The following MBNL2 variants were observed in gnomAD, a reference collection of about 807,000 sequenced individuals.
The protein encoded by MBNL2 is muscleblind like splicing regulator 2, also known as muscleblind-like protein 2.
Under a neutral mutation model 41.9 loss-of-function variants are expected in MBNL2, and 17 were observed. The observed-to-expected ratio is 0.41, with a 90% CI of 0.28 to 0.61. The LOEUF is 0.61. Among genes scored for constraint, MBNL2 ranks in the 20% least tolerant of loss-of-function variants. The pLI is 0.35. For missense variants in MBNL2, 336 were observed against 505.6 expected, an observed-to-expected ratio of 0.66 and a Z score of 3.22; for synonymous variants, 195 against 182.9, an observed-to-expected ratio of 1.07 and a Z score of -0.53.
intron 2 of MBNL2, among the ~76,000 whole-genome samples, chr13:97,293,495 C>T (rs1243431671): frequency 6.6e-6 from 1 of 152,116 alleles, no homozygotes; most frequent in East Asian, 1.9e-4. Context: ...GATGCATTTC[C>T]TGTTCTTAAG....
intron 1 of MBNL2, among the ~76,000 whole-genome samples, chr13:97,232,503 G>A (rs1266625699): frequency 2.0e-5 from 3 of 152,164 alleles, no homozygotes; most frequent in Non-Finnish European, 4.4e-5. Context: ...TGAAGAAAAT[G>A]AAGCTTAGAG....
intron 2 of MBNL2, among the ~76,000 whole-genome samples, chr13:97,319,425 AG>A (rs2059321248): frequency 6.6e-6 from 1 of 152,278 alleles, no homozygotes; most frequent in Admixed American, 6.5e-5. Flanking sequence ...ATGAATAGGC[AG>A]GGTGGTCGTG....
the MBNL2 span, among the ~76,000 whole-genome samples, chr13:97,189,899 C>T: frequency 3.3e-3 from 508 of 152,358 alleles, no homozygotes; most frequent in Non-Finnish European, 5.5e-3. Context: ...GGTGACTCTG[C>T]GTGGGCCACC....
the MBNL2 span, among the ~76,000 whole-genome samples, chr13:97,159,116 CT>C: frequency 6.6e-6 from 1 of 152,132 alleles, no homozygotes; most frequent in Non-Finnish European, 1.5e-5. Context: ...ATAGTTAGCT[CT>C]TCTTGTTGAC....
chr13:97,252,706 A>C (rs1313758207), intron 1 of MBNL2, among the ~76,000 whole-genome samples: 1 of 152,100 alleles, frequency 6.6e-6, no homozygotes, highest in African/African-American at 2.4e-5. Flanking sequence ...GGTTCCATTT[A>C]ATTTTATTTA....
intron 1 of MBNL2, among the ~76,000 whole-genome samples, chr13:97,270,554 G>C (rs1188967011): frequency 1.3e-5 from 2 of 152,088 alleles, no homozygotes; most frequent in Non-Finnish European, 2.9e-5. Context: ...TGAATCAAGG[G>C]TGAGTTTTTA....
chr13:97,210,292 A>G, the MBNL2 span, among the ~76,000 whole-genome samples: 5 of 152,256 alleles, frequency 3.3e-5, 1 homozygote, highest in Non-Finnish European at 7.3e-5. Flanking sequence ...CAAATAGATT[A>G]AAAATGTCAT....
chr13:97,172,227 C>T, the MBNL2 span, among the ~76,000 whole-genome samples: 1 of 152,136 alleles, frequency 6.6e-6, no homozygotes, highest in South Asian at 2.1e-4. Context: ...TCACTGAGTC[C>T]TGTGTGTGGA....
the MBNL2 span, among the ~76,000 whole-genome samples, chr13:97,188,254 C>T: frequency 1.3e-5 from 2 of 152,104 alleles, no homozygotes; most frequent in East Asian, 1.9e-4. Context: ...ACCGGGGGCT[C>T]GCGATCCATG....
intron 2 of MBNL2, among the ~76,000 whole-genome samples, chr13:97,304,019 C>T (rs954943960): frequency 6.6e-6 from 1 of 152,170 alleles, no homozygotes; most frequent in Non-Finnish European, 1.5e-5. Flanking sequence ...GCCTGACAAG[C>T]CCTCTCCCAA....
At chr13:97,179,652 A>G in the MBNL2 span, 28 of 152,338 alleles carry the variant, frequency 1.8e-4, no homozygotes, top group African/African-American at 6.3e-4. Flanking sequence ...CCCTTGAACT[A>G]TGCCCTGACT....
chr13:97,211,042 T>G, the MBNL2 span, among the ~76,000 whole-genome samples: 25,357 of 151,918 alleles, frequency 0.17, 2,812 homozygotes, highest in African/African-American at 0.32. Context: ...GTACATAACA[T>G]TTGATGCATG....
chr13:97,290,712 G>A (rs1016761242), intron 2 of MBNL2, among the ~76,000 whole-genome samples: 3 of 150,338 alleles, frequency 2.0e-5, no homozygotes, highest in Admixed American at 6.6e-5. Context: ...GAAAGAAACA[G>A]CCCTCCTTTC....
chr13:97,352,351 G>C (rs2062578330), intron 5 of MBNL2, among the ~76,000 whole-genome samples: 1 of 152,130 alleles, frequency 6.6e-6, no homozygotes, highest in Non-Finnish European at 1.5e-5. Context: ...GTAATAATCT[G>C]TGACTCTTTC....
At chr13:97,211,738 G>C in the MBNL2 span, among the ~76,000 whole-genome samples, 1 of 152,140 alleles carries the variant, frequency 6.6e-6, no homozygotes, top group Non-Finnish European at 1.5e-5. Context: ...TCCCTTTTCT[G>C]TAGCAGATAA....
At chr13:97,171,354 G>C in the MBNL2 span, among the ~76,000 whole-genome samples, 1 of 152,146 alleles carries the variant, frequency 6.6e-6, no homozygotes, top group Non-Finnish European at 1.5e-5. Context: ...TATAGAACTG[G>C]AATTTGAAAG....
At chr13:97,292,095 T>G (rs1312092313) in intron 2 of MBNL2, among the ~76,000 whole-genome samples, 56 of 127,556 alleles carry the variant, frequency 4.4e-4, no homozygotes, top group Middle Eastern at 5.7e-3. Context: ...CAGCTACTCG[T>G]GAGGCTGAGG....
chr13:97,309,368 G>C (rs1362288590), intron 2 of MBNL2, among the ~76,000 whole-genome samples: 1 of 152,182 alleles, frequency 6.6e-6, no homozygotes, highest in Non-Finnish European at 1.5e-5. Flanking sequence ...TACAGGGGTG[G>C]TCAATTTAAA....
At chr13:97,363,511 G>A (rs147193437) in intron 7 of MBNL2, among the ~76,000 whole-genome samples, 384 of 151,724 alleles carry the variant, frequency 2.5e-3, no homozygotes, top group African/African-American at 9.0e-3. Context: ...AGGGAAGGGC[G>A]GAGTGCTGAA....
Sources: gnomAD v4.1 joint callset for allele counts (sites outside exome capture counted in the v4.1 genomes callset) on GRCh38, gnomAD v4.1.1 for gene constraint, MANE v1.5 for transcripts, NCBI Gene and HGNC (gene_info 2026-07-23, HGNC 2026-07-21) for gene names.